The following CASK variants were observed in gnomAD, a reference collection of about 807,000 sequenced individuals.
The protein encoded by CASK is peripheral plasma membrane protein CASK.
CASK carries 4 observed loss-of-function variants against 82.9 expected under a neutral mutation model. The observed-to-expected ratio is 0.05, with a 90% confidence interval of 0.02 to 0.11. The LOEUF (loss-of-function observed/expected upper bound fraction) is 0.11. Ranked by LOEUF, CASK falls within the 10% of genes least tolerant of loss-of-function variation. The probability of loss-of-function intolerance (pLI) is 1.00; values close to 1 mark genes in which losing one functional copy is unlikely to be tolerated. For synonymous variants in CASK, 259 were observed against 253.5 expected, an observed-to-expected ratio of 1.02 and a Z score of -0.20; for missense variants, 358 against 720.9, an observed-to-expected ratio of 0.50 and a Z score of 5.76.
At chrX:41,590,382 C>T (rs951504974) in intron 12 of CASK, among the ~76,000 whole-genome samples, 3 of 107,535 alleles carry the variant, frequency 2.8e-5, no homozygotes, top group Admixed American at 1.0e-4. Flanking sequence ...TAGTGGTGGG[C>T]GCCTGTAACC....
intron 8 of CASK, among the ~76,000 whole-genome samples, chrX:41,649,200 A>G (rs2147421437): frequency 9.0e-6 from 1 of 111,333 alleles, no homozygotes; most frequent in South Asian, 3.8e-4. Flanking sequence ...TCAAAAAACC[A>G]GCTCCTGGAT....
At chrX:41,737,874 A>T (rs2068523769) in intron 5 of CASK, among the ~76,000 whole-genome samples, 1 of 113,082 alleles carries the variant, frequency 8.8e-6, no homozygotes, top group Non-Finnish European at 1.9e-5. Flanking sequence ...CTACATATGA[A>T]CTTTCTTACA....
At chrX:41,577,729 C>T (rs930322351) in intron 15 of CASK, among the ~76,000 whole-genome samples, 4 of 111,448 alleles carry the variant, frequency 3.6e-5, no homozygotes, top group African/African-American at 1.3e-4. Flanking sequence ...CATCAAGGAG[C>T]CTTTCCTTGA....
intron 5 of CASK, among the ~76,000 whole-genome samples, chrX:41,683,794 G>T (rs777683513): frequency 8.9e-6 from 1 of 111,782 alleles, no homozygotes; most frequent in Admixed American, 9.4e-5. Flanking sequence ...TTACTCATTT[G>T]CTTTGTGCTT....
At chrX:41,893,590 A>T (rs938490785) in intron 1 of CASK, among the ~76,000 whole-genome samples, 2 of 111,662 alleles carry the variant, frequency 1.8e-5, no homozygotes, top group Non-Finnish European at 3.8e-5. Flanking sequence ...GGCCCTACAC[A>T]AGCAGAAAGT....
intron 2 of CASK, among the ~76,000 whole-genome samples, chrX:41,831,725 G>A (rs1183169144): frequency 1.8e-5 from 2 of 112,133 alleles, no homozygotes; most frequent in East Asian, 2.8e-4. Context: ...TTGGGAGGCC[G>A]AGGCGGGCTG....
At chrX:41,636,898 G>A (rs1469762478) in intron 8 of CASK, among the ~76,000 whole-genome samples, 3 of 111,042 alleles carry the variant, frequency 2.7e-5, no homozygotes, top group South Asian at 3.7e-4. Flanking sequence ...AATAGGTCAC[G>A]TAAATTTCAT....
chrX:41,813,415 C>A (rs910444776), intron 2 of CASK, among the ~76,000 whole-genome samples: 40 of 110,870 alleles, frequency 3.6e-4, no homozygotes, highest in African/African-American at 1.3e-3. Context: ...TGGAACAGAA[C>A]AGAGCCCTCA....
intron 18 of CASK, 61 bp from the exon 19 acceptor site, chrX:41,557,161 A>T (rs1023889153): frequency 2.5e-5 from 22 of 894,404 alleles, no homozygotes; most frequent in Non-Finnish European, 3.1e-5. Flanking sequence ...AGAGATATTT[A>T]CATCAACAGT....
chrX:41,662,187 C>T (rs2067045069), intron 7 of CASK, among the ~76,000 whole-genome samples: 1 of 111,435 alleles, frequency 9.0e-6, no homozygotes, highest in Admixed American at 9.5e-5. Flanking sequence ...GAATACCAAA[C>T]CCATAGCAGC....
intron 2 of CASK, among the ~76,000 whole-genome samples, chrX:41,797,865 CA>C (rs921450554): frequency 9.0e-6 from 1 of 111,696 alleles, no homozygotes; most frequent in African/African-American, 3.3e-5. Context: ...TGGCATATCA[CA>C]ATGATTAAAG....
intron 21 of CASK, among the ~76,000 whole-genome samples, chrX:41,545,276 C>T (rs2065007010): frequency 8.9e-6 from 1 of 112,364 alleles, no homozygotes; most frequent in African/African-American, 3.2e-5. Flanking sequence ...ATCCACCTGC[C>T]TTGGTCTCCC....
In CASK at chrX:41,520,385, T is replaced by G; in HGVS notation, c.*35A>C. 8.8e-7 allele frequency: 1 copy of G among 1,130,970 alleles called. No homozygotes were observed. Among genetic ancestry groups the G allele is most frequent in the Non-Finnish European group, 1.2e-6 (1 of 827,338 alleles). The allele number at this position is 1,130,970 out of a possible 1,213,427, so 93.2% of individuals were successfully genotyped here. On this transcript the variant is annotated 3_prime_UTR_variant, in exon 27 of 27. Transcript: ENST00000378163. ...CAAAGAGGCTTTTCCACAAATGAGG[T>G]GCTCCCAGTTATGCTCAGATATCTG... is the stretch of plus-strand genomic sequence containing the variant.
At chrX:41,886,619 A>G (rs1278087356) in intron 1 of CASK, among the ~76,000 whole-genome samples, 1 of 112,148 alleles carries the variant, frequency 8.9e-6, no homozygotes, top group Non-Finnish European at 1.9e-5. Context: ...GGATAGTTTT[A>G]AAAATAAACA....
At chrX:41,572,569 A>T (rs955833261) in intron 15 of CASK, among the ~76,000 whole-genome samples, 1 of 110,540 alleles carries the variant, frequency 9.0e-6, no homozygotes, top group Admixed American at 9.6e-5. Context: ...CCTACATCAT[A>T]TAAGAGCCTT....
chrX:41,822,070 C>T (rs2070555437), intron 2 of CASK, among the ~76,000 whole-genome samples: 1 of 112,304 alleles, frequency 8.9e-6, no homozygotes, highest in South Asian at 3.7e-4. Context: ...TATGCAGCCA[C>T]AGTACCTTGA....
At position 41,520,175 on chromosome X, in the gene CASK, T is replaced by C; in HGVS notation, c.*245A>G. The C allele has an allele frequency of 3.1e-6, 1 of 325,953 alleles. No homozygotes were observed. The allele number at this position is 325,953 out of a possible 1,213,427, so 26.9% of individuals were successfully genotyped here. ...ACATTCCAAAGGATTGAATAATACA[T>C]ACATTTAAAGATACATTTTATTAAA... On this transcript the variant is annotated 3_prime_UTR_variant, in exon 27 of 27. Transcript: ENST00000378163.
At chrX:41,715,008 T>C (rs2068037018) in intron 5 of CASK, among the ~76,000 whole-genome samples, 1 of 112,158 alleles carries the variant, frequency 8.9e-6, no homozygotes. Flanking sequence ...CGTAAACAGC[T>C]CTCAACTGAC....
intron 7 of CASK, among the ~76,000 whole-genome samples, chrX:41,661,933 C>G (rs907691774): frequency 9.1e-6 from 1 of 110,297 alleles, no homozygotes; most frequent in Non-Finnish European, 1.9e-5. Context: ...TATCCTGGAG[C>G]GAATGTGCTC....
Sources: gnomAD v4.1 joint callset for allele counts (sites outside exome capture counted in the v4.1 genomes callset) on GRCh38, gnomAD v4.1.1 for gene constraint, MANE v1.5 for transcripts, NCBI Gene and HGNC (gene_info 2026-07-23, HGNC 2026-07-21) for gene names.